Variants in RTTN observed in about 807,000 individuals in gnomAD.
The protein encoded by RTTN is rotatin.
A neutral mutation model predicts 269.2 loss-of-function variants in RTTN; 182 were observed. That is an observed-to-expected ratio of 0.68 (90% CI 0.60 to 0.76). The LOEUF is 0.76. RTTN is among the 30% of genes least tolerant of loss of function. RTTN has a pLI of 0.00. For missense variants in RTTN, 2,545 were observed against 2,608.6 expected (o/e 0.98, Z 0.53); for synonymous variants, 1,006 against 963.5 (o/e 1.04, Z -0.82).
At chr18:70,094,457 G>A (rs974758852) in intron 28 of RTTN, among the ~76,000 whole-genome samples, 1 of 152,080 alleles carries the variant, frequency 6.6e-6, no homozygotes, top group Non-Finnish European at 1.5e-5. Context: ...TGCTTTAGCT[G>A]TGTCCCAGAG....
chr18:70,157,740 C>G (rs565144380), intron 14 of RTTN, among the ~76,000 whole-genome samples: 28 of 152,174 alleles, frequency 1.8e-4, no homozygotes, highest in African/African-American at 6.5e-4. Flanking sequence ...ATGATTGGAT[C>G]TGACACAAAC....
At chr18:70,203,777 A>G (rs1398171576) in intron 3 of RTTN, among the ~76,000 whole-genome samples, 1 of 152,208 alleles carries the variant, frequency 6.6e-6, no homozygotes, top group Non-Finnish European at 1.5e-5. Flanking sequence ...AGCACTAAGA[A>G]CAATGAGCAC....
chr18:70,131,371 C>A (rs1157027041), intron 23 of RTTN: 2 of 150,212 alleles, frequency 1.3e-5, no homozygotes, highest in Non-Finnish European at 3.0e-5. Flanking sequence ...AATTTAAATA[C>A]CTGACAATAA....
chr18:70,091,008 T>C (rs1223672004), intron 30 of RTTN, among the ~76,000 whole-genome samples: 2 of 152,248 alleles, frequency 1.3e-5, no homozygotes, highest in East Asian at 1.9e-4. Flanking sequence ...AATGGGAATG[T>C]CTATTCTACC....
chr18:70,101,573 T>G (rs2059167790), intron 28 of RTTN, among the ~76,000 whole-genome samples: 1 of 152,200 alleles, frequency 6.6e-6, no homozygotes, highest in Non-Finnish European at 1.5e-5. Context: ...TGTCTGTACC[T>G]CCTTCATTTC....
intron 40 of RTTN, among the ~76,000 whole-genome samples, chr18:70,045,324 C>T (rs914974678): frequency 2.0e-5 from 3 of 152,156 alleles, no homozygotes; most frequent in African/African-American, 7.2e-5. Flanking sequence ...ACTTGAAGAA[C>T]TGAATCCCAA....
chr18:70,166,864 C>A (rs1468536518), intron 13 of RTTN, 55 bp downstream of exon 13: 2 of 1,162,368 alleles, frequency 1.7e-6, no homozygotes, highest in Non-Finnish European at 2.5e-6. Context: ...TCTAAGTTTA[C>A]ACACACCCTA....
At chr18:70,074,139 T>C in intron 33 of RTTN, 145 bp from the exon 34 acceptor site, 1 of 452,406 alleles carries the variant, frequency 2.2e-6, no homozygotes, top group Non-Finnish European at 4.0e-6. Flanking sequence ...TAGACCACTA[T>C]TTAAAAAAAA....
Position 70,109,493 on chromosome 18 carries a change from C to A in RTTN, c.3903+5G>T. 6.2e-7 allele frequency: 1 copy of A among 1,612,020 alleles called. No individual in the cohort carries two copies. Among genetic ancestry groups the A allele is most frequent in the Non-Finnish European group, 8.5e-7 (1 of 1,178,118 alleles). ...AAATAACTACCATATGCTATTTTTA[C>A]TTACCTCAAGGAGACCTGACAAGTA... On this transcript the variant is annotated splice_donor_5th_base_variant and intron_variant, in intron 28 of 48. Coordinates refer to ENST00000640769, the MANE Select transcript of RTTN (RefSeq NM_173630.4).
chr18:70,059,484 T>C (rs1395830634), intron 36 of RTTN, among the ~76,000 whole-genome samples: 1 of 152,224 alleles, frequency 6.6e-6, no homozygotes, highest in Non-Finnish European at 1.5e-5. Flanking sequence ...AGGGACATTA[T>C]TCTGATATGA....
chr18:70,124,201 A>G (rs1438456626), intron 25 of RTTN, among the ~76,000 whole-genome samples: 1 of 152,056 alleles, frequency 6.6e-6, no homozygotes, highest in Non-Finnish European at 1.5e-5. Flanking sequence ...ACAGAATAAC[A>G]GGTAGAAATG....
intron 28 of RTTN, among the ~76,000 whole-genome samples, chr18:70,102,900 C>T (rs2059208130): frequency 6.6e-6 from 1 of 151,748 alleles, no homozygotes; most frequent in Non-Finnish European, 1.5e-5. Context: ...GCCTGGCTGC[C>T]CCGTCTGGGA....
chr18:70,020,894 T>C, intron 44 of RTTN, 77 bp from the exon 45 acceptor site: 4 of 1,216,724 alleles, frequency 3.3e-6, no homozygotes, highest in Non-Finnish European at 4.7e-6. Flanking sequence ...TGGCAAAGCA[T>C]ATCTGTCTAA....
intron 28 of RTTN, among the ~76,000 whole-genome samples, chr18:70,101,443 T>A (rs1443897547): frequency 6.6e-6 from 1 of 152,232 alleles, no homozygotes; most frequent in East Asian, 1.9e-4. Flanking sequence ...CATTTTTTAT[T>A]GCATCTATTT....
At chr18:70,186,966 A>G (rs912418739) in intron 10 of RTTN, among the ~76,000 whole-genome samples, 1 of 152,104 alleles carries the variant, frequency 6.6e-6, no homozygotes, top group Non-Finnish European at 1.5e-5. Context: ...CCCCCATGAC[A>G]CAGTTTACCT....
intron 14 of RTTN, among the ~76,000 whole-genome samples, chr18:70,153,183 C>A (rs948647128): frequency 1.3e-5 from 2 of 152,096 alleles, no homozygotes; most frequent in Admixed American, 6.6e-5. Context: ...GTCTTTACAA[C>A]ACTATTTTAT....
chr18:70,075,228 C>T (rs1285950148), intron 33 of RTTN, 124 bp downstream of exon 33: 3 of 635,152 alleles, frequency 4.7e-6, no homozygotes, highest in Non-Finnish European at 7.7e-6. Flanking sequence ...GGTGGTAGAA[C>T]TGGAAATGAA....
intron 40 of RTTN, among the ~76,000 whole-genome samples, chr18:70,040,783 A>G (rs1414208645): frequency 6.6e-6 from 1 of 152,226 alleles, no homozygotes; most frequent in Admixed American, 6.5e-5. Flanking sequence ...ATCTTCTATG[A>G]CCAGAGTAGA....
intron 12 of RTTN, 80 bp downstream of exon 12, chr18:70,168,775 T>C: frequency 9.8e-7 from 1 of 1,025,370 alleles, no homozygotes; most frequent in Non-Finnish European, 1.4e-6. Flanking sequence ...TAATTATATG[T>C]CCATCAATTT....
Sources: gnomAD v4.1 joint callset for allele counts (sites outside exome capture counted in the v4.1 genomes callset) on GRCh38, gnomAD v4.1.1 for gene constraint, MANE v1.5 for transcripts, NCBI Gene and HGNC (gene_info 2026-07-23, HGNC 2026-07-21) for gene names.